The following MCF2L2 variants were observed in gnomAD, a reference collection of about 807,000 sequenced individuals.
The protein encoded by MCF2L2 is MCF.2 cell line derived transforming sequence-like 2, also known as probable guanine nucleotide exchange factor MCF2L2.
A neutral mutation model predicts 150.2 loss-of-function variants in MCF2L2; 102 were observed. The observed-to-expected ratio is 0.68, with a 90% CI of 0.58 to 0.80. The LOEUF (loss-of-function observed/expected upper bound fraction) is 0.80, where lower values mean the gene tolerates loss of function less well. MCF2L2 is among the 30% of genes least tolerant of loss of function. The probability of loss-of-function intolerance (pLI) is 0.00; values close to 1 mark genes in which losing one functional copy is unlikely to be tolerated. For synonymous variants in MCF2L2, 465 were observed against 491.3 expected (o/e 0.95, Z 0.71); for missense variants, 1,256 against 1,372.8 (o/e 0.91, Z 1.34).
intron 1 of MCF2L2, among the ~76,000 whole-genome samples, chr3:183,392,099 C>T: frequency 6.6e-6 from 1 of 152,132 alleles, no homozygotes; most frequent in East Asian, 1.9e-4. Context: ...AAACAAAAAT[C>T]ATAAGGTGTA....
chr3:183,351,189 AGT>A (rs763889852), intron 3 of MCF2L2, among the ~76,000 whole-genome samples: 16,506 of 59,944 alleles, frequency 0.28, 2,280 homozygotes, highest in African/African-American at 0.46. Context: ...TATTTTCTTA[AGT>A]ATATATATAT....
chr3:183,284,178 CTT>C (rs1432528212), intron 14 of MCF2L2, among the ~76,000 whole-genome samples: 1 of 152,166 alleles, frequency 6.6e-6, no homozygotes, highest in Non-Finnish European at 1.5e-5. Flanking sequence ...GTTATTCTCT[CTT>C]TTATCTTATT....
chr3:183,270,969 T>C lies in MCF2L2; in HGVS notation c.1862+5903A>G. On this transcript the variant is annotated intron_variant, in intron 15 of 29. Transcript: ENST00000328913. This position sits in a 1 kb window ranked among gnomAD's most constrained non-coding sequence, Gnocchi z 4.5. ...GAATGTTGTATGTTTTCACTGTCACTGAGTCAAACCTGGATGAAAAAAACC... is the reference window on the plus strand; with the variant it reads ...GAATGTTGTATGTTTTCACTGTCACCGAGTCAAACCTGGATGAAAAAAACC... The C allele has an allele frequency of 6.6e-7, 1 of 1,518,716 alleles. No homozygotes were observed. 94.1% of individuals were successfully genotyped at this position (1,518,716 alleles called of 1,614,324 possible). A position where few individuals can be genotyped will look rare whatever the true frequency, so the allele number is the denominator to read the frequency against.
At chr3:183,228,709 A>G (rs1723440519) in intron 17 of MCF2L2, among the ~76,000 whole-genome samples, 1 of 152,200 alleles carries the variant, frequency 6.6e-6, no homozygotes, top group Non-Finnish European at 1.5e-5. Context: ...CAATTATCAG[A>G]ACACAGCTGT....
At chr3:183,221,957 C>T (rs1224906854) in intron 20 of MCF2L2, among the ~76,000 whole-genome samples, 2 of 152,196 alleles carry the variant, frequency 1.3e-5, no homozygotes, top group Admixed American at 1.3e-4. Context: ...GGTCTCATAA[C>T]TGACAAATGG....
chr3:183,338,977 G>A, intron 4 of MCF2L2, 58 bp from the exon 5 acceptor site: 1 of 1,543,244 alleles, frequency 6.5e-7, no homozygotes, highest in Non-Finnish European at 8.8e-7. Context: ...TTCGTTACCA[G>A]GGTCTACTTT....
chr3:183,187,620 C>T (rs1721742735), intron 27 of MCF2L2, among the ~76,000 whole-genome samples: 1 of 152,174 alleles, frequency 6.6e-6, no homozygotes, highest in Non-Finnish European at 1.5e-5. Flanking sequence ...AGGCATGCGC[C>T]ACCACGCCCA....
At chr3:183,251,470 T>C (rs982972429) in intron 15 of MCF2L2, among the ~76,000 whole-genome samples, 5 of 152,164 alleles carry the variant, frequency 3.3e-5, no homozygotes, top group Non-Finnish European at 7.3e-5. Flanking sequence ...CCTCTGCTCT[T>C]TCTGTGCCTT....
chr3:183,282,641 C>T (rs186532985), intron 14 of MCF2L2, among the ~76,000 whole-genome samples: 1,784 of 152,116 alleles, frequency 0.012, 38 homozygotes, highest in African/African-American at 0.042. Context: ...GCTGCCCGTA[C>T]ATCTTTGAAT....
intron 1 of MCF2L2, among the ~76,000 whole-genome samples, chr3:183,404,895 G>A (rs1302599209): frequency 6.6e-6 from 1 of 151,994 alleles, no homozygotes; most frequent in Non-Finnish European, 1.5e-5. Context: ...TCTGAAATGT[G>A]TGCAAAAATT....
intron 15 of MCF2L2, among the ~76,000 whole-genome samples, chr3:183,251,458 C>T (rs184950004): frequency 6.7e-4 from 102 of 152,238 alleles, no homozygotes; most frequent in Admixed American, 1.6e-3. Flanking sequence ...AAATCTGCTA[C>T]TCCTCTGCTC....
intron 7 of MCF2L2, among the ~76,000 whole-genome samples, chr3:183,316,332 T>TTTTG (rs1729603156): frequency 6.6e-6 from 1 of 150,752 alleles, no homozygotes; most frequent in African/African-American, 2.5e-5. Flanking sequence ...TTTTGGTGTT[T>TTTTG]TTTTGTTTTG....
At chr3:183,192,711 G>A (rs1204859435) in intron 27 of MCF2L2, 1 of 329,600 alleles carries the variant, frequency 3.0e-6, no homozygotes, top group African/African-American at 2.1e-5. Flanking sequence ...TTGGACAGCA[G>A]TTGACTAAGA....
intron 27 of MCF2L2, among the ~76,000 whole-genome samples, chr3:183,185,727 C>T (rs1721670514): frequency 6.6e-6 from 1 of 152,134 alleles, no homozygotes; most frequent in African/African-American, 2.4e-5. Context: ...GGGTACTAGG[C>T]TCGGTTACAA....
intron 1 of MCF2L2, among the ~76,000 whole-genome samples, chr3:183,412,547 C>T (rs1205238335): frequency 3.9e-5 from 6 of 152,144 alleles, no homozygotes; most frequent in Non-Finnish European, 7.4e-5. Flanking sequence ...GATCCACCCA[C>T]CTCGGCCTCC....
At position 183,206,115 on chromosome 3, in the gene MCF2L2, G is replaced by A; in HGVS notation, c.2805+7C>T. 6.2e-7 allele frequency: 1 copy of A among 1,613,210 alleles called. No homozygotes were observed. The highest frequency in any genetic ancestry group is 8.5e-7 in the Non-Finnish European group (1 of 1,179,146). ...GAGGAGACCCATGGGGAAGGCATGA[G>A]CGTTACCTGCAGGATGTATTTCTCA... On this transcript the variant is annotated splice_region_variant and intron_variant, in intron 24 of 29. Transcript: ENST00000328913.
chr3:183,254,281 G>T (rs1291760402), intron 15 of MCF2L2: 1 of 151,816 alleles, frequency 6.6e-6, no homozygotes, highest in South Asian at 2.1e-4. Context: ...CGTGGACACC[G>T]GATCGGGGCC....
Position 183,179,159 on chromosome 3 carries a change from T to A in MCF2L2, c.*221A>T. ...GTGGGCTGCGGGCTCTGCTCGCCTC[T>A]GCAGGCGCCTTAGAGCAGCTCCGAG... On this transcript the variant is annotated 3_prime_UTR_variant, in exon 30 of 30. Coordinates refer to ENST00000328913, the MANE Select transcript of MCF2L2 (RefSeq NM_015078.4). This position sits in a 1 kb window ranked among gnomAD's most constrained non-coding sequence, Gnocchi z 4.2. 1 of 489,352 alleles carries A rather than the reference T, an allele frequency of 2.0e-6. No individual in the cohort carries two copies. Among genetic ancestry groups the A allele is most frequent in the Non-Finnish European group, 3.3e-6 (1 of 303,454 alleles). 30.3% of individuals were successfully genotyped at this position (489,352 alleles called of 1,614,324 possible).
At chr3:183,324,579 AG>A (rs1729947737) in intron 5 of MCF2L2, among the ~76,000 whole-genome samples, 1 of 152,196 alleles carries the variant, frequency 6.6e-6, no homozygotes, top group Admixed American at 6.5e-5. Context: ...AATATAAATT[AG>A]AGACCAGCCA....
Sources: gnomAD v4.1 joint callset for allele counts (sites outside exome capture counted in the v4.1 genomes callset) on GRCh38, gnomAD v4.1.1 for gene constraint, Gnocchi (gnomAD v3.1) non-coding constraint, MANE v1.5 for transcripts, NCBI Gene and HGNC (gene_info 2026-07-23, HGNC 2026-07-21) for gene names.